ADGRL2: variants seen among roughly 807,000 people sequenced by gnomAD.
ADGRL2 encodes the protein adhesion G protein-coupled receptor L2.
Under a neutral mutation model 157.4 loss-of-function variants are expected in ADGRL2, and 44 were observed. That is an observed-to-expected ratio of 0.28 (90% CI 0.22 to 0.36). ADGRL2 has a LOEUF of 0.36. Among genes scored for constraint, ADGRL2 ranks in the 10% least tolerant of loss-of-function variants. ADGRL2 has a pLI of 1.00. For missense variants in ADGRL2, 1,510 were observed against 1,768.9 expected (o/e 0.85, Z 2.63); for synonymous variants, 585 against 624.7 (o/e 0.94, Z 0.95).
intron 1 of ADGRL2, among the ~76,000 whole-genome samples, chr1:81,415,843 CTTT>C (rs35114762): frequency 1.5e-5 from 2 of 137,850 alleles, no homozygotes; most frequent in Non-Finnish European, 1.6e-5. Flanking sequence ...TCTCCTTTTC[CTTT>C]TTTTTTTTTT....
At chr1:81,404,408 AT>A (rs1218280551) in intron 1 of ADGRL2, among the ~76,000 whole-genome samples, 2 of 152,218 alleles carry the variant, frequency 1.3e-5, no homozygotes, top group Non-Finnish European at 2.9e-5. Context: ...ACTTCCAAAT[AT>A]TTAATCAATT....
chr1:81,738,407 T>C (rs2084970355), intron 1 of ADGRL2, among the ~76,000 whole-genome samples: 1 of 152,208 alleles, frequency 6.6e-6, no homozygotes, highest in Non-Finnish European at 1.5e-5. Context: ...AGGAAGGTCA[T>C]TGAAGCAGCA....
intron 1 of ADGRL2, among the ~76,000 whole-genome samples, chr1:81,365,100 A>G (rs1312277014): frequency 1.3e-5 from 2 of 152,140 alleles, no homozygotes; most frequent in African/African-American, 2.4e-5. Context: ...TTCAAGTGGG[A>G]GTATACTGGT....
At chr1:81,558,777 T>A (rs905008275) in intron 2 of ADGRL2, among the ~76,000 whole-genome samples, 2 of 152,200 alleles carry the variant, frequency 1.3e-5, no homozygotes, top group Non-Finnish European at 2.9e-5. Context: ...ATCTTTAAAT[T>A]CCCCTTTCTA....
intron 3 of ADGRL2, among the ~76,000 whole-genome samples, chr1:81,631,715 G>T (rs2082013788): frequency 6.6e-6 from 1 of 152,126 alleles, no homozygotes; most frequent in African/African-American, 2.4e-5. Flanking sequence ...ATATACCCCA[G>T]GTCTGATAAT....
At chr1:81,683,778 A>G (rs2083169989) in intron 3 of ADGRL2, among the ~76,000 whole-genome samples, 1 of 151,974 alleles carries the variant, frequency 6.6e-6, no homozygotes, top group South Asian at 2.1e-4. Flanking sequence ...TTGTGCTGCT[A>G]TAAACACGCT....
At chr1:81,674,258 A>C (rs2082937404) in intron 3 of ADGRL2, among the ~76,000 whole-genome samples, 1 of 152,186 alleles carries the variant, frequency 6.6e-6, no homozygotes, top group Non-Finnish European at 1.5e-5. Flanking sequence ...CTTGAGAAAG[A>C]TTCTTAAAAT....
intron 2 of ADGRL2, among the ~76,000 whole-genome samples, chr1:81,870,007 C>T (rs1048537948): frequency 1.3e-5 from 2 of 150,448 alleles, no homozygotes; most frequent in Non-Finnish European, 1.5e-5. Context: ...TGCACATTTT[C>T]CTTACAAAAC....
Position 81,546,533 on chromosome 1 carries a change from A to G in ADGRL2, c.-247-34343A>G, listed in dbSNP as rs575205588. On this transcript the variant is annotated intron_variant, in intron 2 of 24. Coordinates refer to the ADGRL2 transcript ENST00000370721. ...AATTAGGAACATCACAGACGTGTTCACACCATGCCCAGATGTGCCAAGAAA... is the reference window on the plus strand; with the variant it reads ...AATTAGGAACATCACAGACGTGTTCGCACCATGCCCAGATGTGCCAAGAAA... 5.9e-5 allele frequency among the ~76,000 whole-genome samples: 9 copies of G among 152,364 alleles called. No homozygotes were observed. In the East Asian group the frequency reaches 1.2e-3, roughly 20 times the overall value.
intron 2 of ADGRL2, among the ~76,000 whole-genome samples, chr1:81,495,841 T>C (rs1448440492): frequency 6.6e-6 from 1 of 152,188 alleles, no homozygotes; most frequent in Non-Finnish European, 1.5e-5. Context: ...AAGTTTGTCA[T>C]TGGTAACCAT....
At chr1:81,530,872 C>G (rs1292432588) in intron 2 of ADGRL2, among the ~76,000 whole-genome samples, 1 of 151,942 alleles carries the variant, frequency 6.6e-6, no homozygotes, top group African/African-American at 2.4e-5. Flanking sequence ...ATCACGAGGT[C>G]GGGAGTTCGA....
intron 1 of ADGRL2, among the ~76,000 whole-genome samples, chr1:81,808,061 A>G (rs1056444285): frequency 6.6e-6 from 1 of 152,012 alleles, no homozygotes; most frequent in Non-Finnish European, 1.5e-5. Context: ...AACATCTGCA[A>G]GTAAAGTGCA....
In ADGRL2 at chr1:81,776,514, G is replaced by A. The variant is rs1000582444; in HGVS notation, c.-101+14662G>A. Among the ~76,000 whole-genome samples, 7 of 152,164 alleles carry A rather than the reference G, an allele frequency of 4.6e-5. 1 individual carries two copies. Among genetic ancestry groups the A allele is most frequent in the Admixed American group, 4.6e-4 (7 of 15,268 alleles). On this transcript the variant is annotated intron_variant, in intron 2 of 20. Coordinates refer to the ADGRL2 transcript ENST00000359929. Reference sequence around the variant, plus strand: ...TAAGATTTTTATAAAATTAAAATAGGCATAGTAAAGAGGATTTGGGAAATT... The same window carrying A: ...TAAGATTTTTATAAAATTAAAATAGACATAGTAAAGAGGATTTGGGAAATT...
At chr1:81,648,375 C>G (rs1283424730) in intron 3 of ADGRL2, among the ~76,000 whole-genome samples, 1 of 152,214 alleles carries the variant, frequency 6.6e-6, no homozygotes, top group African/African-American at 2.4e-5. Flanking sequence ...TCAGAGGTCT[C>G]TGCTCCGGTG....
intron 2 of ADGRL2, among the ~76,000 whole-genome samples, chr1:81,856,618 G>C (rs952025428): frequency 6.6e-6 from 1 of 152,074 alleles, no homozygotes; most frequent in African/African-American, 2.4e-5. Context: ...TCTAGGCCTG[G>C]TGAGTGATGA....
intron 2 of ADGRL2, among the ~76,000 whole-genome samples, chr1:81,455,441 C>T (rs1016773902): frequency 1.3e-5 from 2 of 152,132 alleles, no homozygotes; most frequent in African/African-American, 4.8e-5. Flanking sequence ...AAATGTCAAC[C>T]GTGAAAATTT....
intron 1 of ADGRL2, among the ~76,000 whole-genome samples, chr1:81,757,893 T>C (rs2085744618): frequency 6.6e-6 from 1 of 152,132 alleles, no homozygotes; most frequent in Non-Finnish European, 1.5e-5. Context: ...AGTGAGCCCC[T>C]TGGTTCCTTC....
chr1:81,604,338 TCC>T (rs2081390862), intron 3 of ADGRL2, among the ~76,000 whole-genome samples: 1 of 152,134 alleles, frequency 6.6e-6, no homozygotes, highest in African/African-American at 2.4e-5. Flanking sequence ...GGCCTGGAGC[TCC>T]TCATCCTCGT....
At chr1:81,600,842 G>A (rs1169883558) in intron 3 of ADGRL2, among the ~76,000 whole-genome samples, 1 of 152,206 alleles carries the variant, frequency 6.6e-6, no homozygotes, top group Non-Finnish European at 1.5e-5. Context: ...CCTGGAGATA[G>A]AATATCAGTT....
Sources: gnomAD v4.1 joint callset for allele counts (sites outside exome capture counted in the v4.1 genomes callset) on GRCh38, gnomAD v4.1.1 for gene constraint, MANE v1.5 for transcripts, NCBI Gene and HGNC (gene_info 2026-07-23, HGNC 2026-07-21) for gene names.